The following TBC1D3H variants were observed in gnomAD, a reference collection of about 807,000 sequenced individuals.
TBC1D3H encodes the protein TBC1 domain family member 3-like.
chr17:36,386,036 G>A (rs2069668603), intron 3 of TBC1D3H, among the ~76,000 whole-genome samples: 2 of 127,142 alleles, frequency 1.6e-5, no homozygotes, highest in African/African-American at 6.0e-5. Flanking sequence ...ACCGTGAGAT[G>A]CCCAGAACGG....
intron 3 of TBC1D3H, among the ~76,000 whole-genome samples, chr17:36,385,551 C>T (rs2069649735): frequency 8.2e-6 from 1 of 121,586 alleles, no homozygotes; most frequent in Non-Finnish European, 1.8e-5. Context: ...GGTCAGGCTG[C>T]CCAATGGGGC....
chr17:36,385,780 C>T (rs1192026795), intron 3 of TBC1D3H, among the ~76,000 whole-genome samples: 3 of 131,746 alleles, frequency 2.3e-5, no homozygotes, highest in African/African-American at 5.7e-5. Flanking sequence ...CCCCAAGGCC[C>T]TTGCAGATTC....
rs1487841342 is a variant in TBC1D3H at position 36,386,127 on chromosome 17, G to A, written c.158+449C>T. Reference sequence around the variant, plus strand: ...GCCTTTTCCCCTCACGGGACAGTGAGGGCTGTAGCTCTAGGGGAATGGGGG... The same window carrying A: ...GCCTTTTCCCCTCACGGGACAGTGAAGGCTGTAGCTCTAGGGGAATGGGGG... On this transcript the variant is annotated intron_variant, in intron 3 of 13. Transcript: ENST00000610350. 1.6e-5 allele frequency among the ~76,000 whole-genome samples: 2 copies of A among 123,850 alleles called. 1 individual carries two copies. Among genetic ancestry groups the A allele is most frequent in the Non-Finnish European group, 3.4e-5 (2 of 59,096 alleles). 81.3% of individuals were successfully genotyped at this position (123,850 alleles called of 152,430 possible).
chr17:36,386,074 C>G (rs2069670498), intron 3 of TBC1D3H, among the ~76,000 whole-genome samples: 1 of 127,556 alleles, frequency 7.8e-6, no homozygotes, highest in Admixed American at 7.5e-5. Flanking sequence ...CCCCGTTCTC[C>G]TAGGGCTACA....
At chr17:36,388,438 G>A (rs1320663190), upstream of TBC1D3H, 3 of 150,252 alleles carry the variant, frequency 2.0e-5, no homozygotes, top group African/African-American at 7.3e-5. Context: ...AGACCACTGA[G>A]GCAGGCCAGA....
chr17:36,386,267 G>T (rs2069677324), intron 3 of TBC1D3H, among the ~76,000 whole-genome samples: 1 of 104,150 alleles, frequency 9.6e-6, no homozygotes, highest in Admixed American at 8.3e-5. Context: ...TTGTCTCCAA[G>T]TAGACAGGGC....
Position 36,386,435 on chromosome 17 carries a change from CAG to C in TBC1D3H, c.158+139_158+140del, listed in dbSNP as rs1381636753. On this transcript the variant is annotated intron_variant, in intron 3 of 13. Coordinates refer to ENST00000610350, the MANE Select transcript of TBC1D3H (RefSeq NM_001123392.4). ...CCTCGGGCTGGACCTGCAGGGGAGT[CAG>C]GGAGGAGTTCTGTCCCTGGAAAGGA... is the stretch of plus-strand genomic sequence containing the variant. 3.4e-4 allele frequency: 72 copies of C among 209,368 alleles called. 13 individuals carry two copies. The highest frequency in any genetic ancestry group is 1.3e-3 in the South Asian group (40 of 30,838). 13.0% of individuals were successfully genotyped at this position (209,368 alleles called of 1,614,324 possible).
At chr17:36,385,878 G>A (rs1256215516) in intron 3 of TBC1D3H, among the ~76,000 whole-genome samples, 3 of 130,080 alleles carry the variant, frequency 2.3e-5, no homozygotes, top group East Asian at 3.0e-4. Context: ...GCTCCCTCCC[G>A]CCCTACCTCC....
chr17:36,385,826 C>T (rs1381437238), intron 3 of TBC1D3H, among the ~76,000 whole-genome samples: 5 of 132,146 alleles, frequency 3.8e-5, no homozygotes, highest in African/African-American at 8.5e-5. Flanking sequence ...TCCCTGCACC[C>T]GAGCCACACA....
At chr17:36,385,843 G>A (rs1028436580) in intron 3 of TBC1D3H, among the ~76,000 whole-genome samples, 42 of 132,088 alleles carry the variant, frequency 3.2e-4, no homozygotes, top group Admixed American at 1.5e-3. Flanking sequence ...CACACCCTGC[G>A]TTTCAGAAGT....
chr17:36,385,498 G>A (rs1468314676), intron 3 of TBC1D3H, among the ~76,000 whole-genome samples: 11 of 130,164 alleles, frequency 8.5e-5, no homozygotes, highest in African/African-American at 3.1e-4. Context: ...AGGAGTGTAG[G>A]GACAGCCTGG....
chr17:36,385,852 G>A (rs1231357258), intron 3 of TBC1D3H, among the ~76,000 whole-genome samples: 3 of 131,920 alleles, frequency 2.3e-5, no homozygotes, highest in Admixed American at 1.4e-4. Flanking sequence ...CGTTTCAGAA[G>A]TGGCACGGCT....
chr17:36,385,847 C>G (rs1247642038), intron 3 of TBC1D3H, among the ~76,000 whole-genome samples: 4 of 132,092 alleles, frequency 3.0e-5, no homozygotes, highest in Non-Finnish European at 6.5e-5. Flanking sequence ...CCCTGCGTTT[C>G]AGAAGTGGCA....
Sources: allele counts gnomAD v4.1 joint callset (sites outside exome capture counted in the v4.1 genomes callset), GRCh38; gene constraint gnomAD v4.1.1; transcripts MANE v1.5; gene names NCBI Gene and HGNC (gene_info 2026-07-23, HGNC 2026-07-21).